TMEM131: variants seen among roughly 807,000 people sequenced by gnomAD.
The protein encoded by TMEM131 is transmembrane protein 131, also known as 2610524E03Rik.
In TMEM131, 66 loss-of-function variants were observed where a neutral mutation model predicts 211.6. The ratio of observed to expected loss-of-function variants is 0.31; its 90% CI spans 0.26 to 0.38. The LOEUF is 0.38. Ranked by LOEUF, TMEM131 falls within the 10% of genes least tolerant of loss-of-function variation. The pLI is 1.00. For missense variants in TMEM131, 2,036 were observed against 2,299.3 expected (o/e 0.89, Z 2.34); for synonymous variants, 844 against 841.3 (o/e 1.00, Z -0.06).
At position 97,756,965 on chromosome 2, in the gene TMEM131, T is replaced by C; in HGVS notation, c.*134A>G. 9.4e-7 allele frequency: 1 copy of C among 1,059,572 alleles called. No homozygotes were observed. The highest frequency in any genetic ancestry group is 1.8e-5 in the South Asian group (1 of 55,716). 65.6% of individuals were successfully genotyped at this position (1,059,572 alleles called of 1,614,324 possible). On this transcript the variant is annotated 3_prime_UTR_variant, in exon 41 of 41. Transcript: ENST00000186436. ...AGAAGCGAGTGGTCTGAGCCTGCCC[T>C]GCTTGGGTCTGTTTTGCAAAGAAGA...
intron 8 of TMEM131, among the ~76,000 whole-genome samples, chr2:97,836,319 G>A (rs1267769154): frequency 1.3e-5 from 2 of 152,186 alleles, no homozygotes; most frequent in Non-Finnish European, 2.9e-5. Context: ...TGTAACAGCA[G>A]TTAATAAAGA....
At chr2:97,933,261 G>A (rs542963802) in intron 1 of TMEM131, among the ~76,000 whole-genome samples, 4 of 152,116 alleles carry the variant, frequency 2.6e-5, no homozygotes, top group Non-Finnish European at 5.9e-5. Context: ...GATCAACATG[G>A]CAGTTACATA....
In TMEM131 at chr2:97,813,998, G is replaced by T. The variant is rs190189893; in HGVS notation, c.1590C>A (p.Pro530=). 5.0e-6 allele frequency: 8 copies of T among 1,598,104 alleles called. No individual in the cohort carries two copies. The East Asian group carries it at 1.8e-4, about 36-fold the overall frequency. The change falls in exon 15 of 41, where the codon CCC becomes CCA. Residue 530 remains proline (P), a synonymous_variant. Transcript: ENST00000186436. ...LITNASKFHL[P]VRVYTGFLDY... Reference sequence around the variant, plus strand: ...CTAAAAAGCCTGTGTATACCCGCACGGGTAAATGAAATTTAGAAGCATTGG... The same window carrying T: ...CTAAAAAGCCTGTGTATACCCGCACTGGTAAATGAAATTTAGAAGCATTGG...
chr2:97,950,139 C>T (rs1056691975), intron 1 of TMEM131, among the ~76,000 whole-genome samples: 14 of 152,130 alleles, frequency 9.2e-5, no homozygotes, highest in Non-Finnish European at 1.9e-4. Context: ...AATAAAAATA[C>T]ATCTATACAT....
At chr2:97,767,203 T>A (rs1051282744) in intron 33 of TMEM131, among the ~76,000 whole-genome samples, 1 of 152,236 alleles carries the variant, frequency 6.6e-6, no homozygotes, top group African/African-American at 2.4e-5. Flanking sequence ...AAATTAAATA[T>A]ATTTTTTATT....
chr2:97,930,772 G>T (rs1677185781), intron 1 of TMEM131, among the ~76,000 whole-genome samples: 1 of 151,766 alleles, frequency 6.6e-6, no homozygotes, highest in Non-Finnish European at 1.5e-5. Flanking sequence ...ACCAGAACTA[G>T]TAACAGCTTC....
At position 97,792,651 on chromosome 2, in the gene TMEM131, A is replaced by G. The variant is rs1331897733; in HGVS notation, c.3879T>C (p.His1293=). 1 of 1,613,936 alleles carries G rather than the reference A, an allele frequency of 6.2e-7. No individual in the cohort carries two copies. Among genetic ancestry groups the G allele is most frequent in the Admixed American group, 1.7e-5 (1 of 60,024 alleles). ...AKQSQHGSQH[H]AHSPLEQHPQ... is the part of the protein sequence containing the mutation. ...GGTGCTGCTCCAGCGGGCTGTGGGC[A>G]TGGTGCTGGCTGCCGTGCTGGCTCT... The change falls in exon 31 of 41, where the codon CAT becomes CAC. Residue 1293 remains histidine, a synonymous_variant. Coordinates refer to ENST00000186436, the MANE Select transcript of TMEM131 (RefSeq NM_015348.2).
chr2:97,902,303 C>T (rs1488395126), intron 3 of TMEM131, among the ~76,000 whole-genome samples: 1 of 152,152 alleles, frequency 6.6e-6, no homozygotes, highest in Non-Finnish European at 1.5e-5. Context: ...AAACACCGTA[C>T]TCTTTTTTTA....
At chr2:97,767,810 C>T (rs749298089) in intron 33 of TMEM131, among the ~76,000 whole-genome samples, 15 of 152,208 alleles carry the variant, frequency 9.9e-5, no homozygotes, top group Non-Finnish European at 1.8e-4. Flanking sequence ...AAGTTCTTCA[C>T]GCACCATGTT....
intron 1 of TMEM131, among the ~76,000 whole-genome samples, chr2:97,965,234 ACTG>A (rs1282444578): frequency 6.6e-6 from 1 of 152,158 alleles, no homozygotes; most frequent in Non-Finnish European, 1.5e-5. Flanking sequence ...AGAAACCGCC[ACTG>A]CTATATATCT....
chr2:97,930,196 T>C (rs1291886266), intron 1 of TMEM131, among the ~76,000 whole-genome samples: 2 of 151,776 alleles, frequency 1.3e-5, no homozygotes, highest in African/African-American at 4.9e-5. Context: ...AGGCCTCTAA[T>C]TAGAAGCTTT....
At chr2:97,947,228 C>T (rs1331758174) in intron 1 of TMEM131, among the ~76,000 whole-genome samples, 1 of 151,750 alleles carries the variant, frequency 6.6e-6, no homozygotes, top group African/African-American at 2.4e-5. Context: ...GGGCAATCTT[C>T]GTGCCAATAA....
At chr2:97,870,161 A>G (rs1169089101) in intron 4 of TMEM131, among the ~76,000 whole-genome samples, 1 of 152,182 alleles carries the variant, frequency 6.6e-6, no homozygotes, top group Non-Finnish European at 1.5e-5. Context: ...AAAAAAATCT[A>G]TCTCAAAGGT....
At chr2:97,820,529 T>G (rs142154946) in intron 11 of TMEM131, among the ~76,000 whole-genome samples, 1 of 152,210 alleles carries the variant, frequency 6.6e-6, no homozygotes, top group South Asian at 2.1e-4. Flanking sequence ...TTGAGTCAGC[T>G]GCCCATCTAC....
intron 4 of TMEM131, among the ~76,000 whole-genome samples, chr2:97,878,878 C>CA (rs1179611447): frequency 1.3e-5 from 2 of 151,842 alleles, no homozygotes; most frequent in Non-Finnish European, 2.9e-5. Flanking sequence ...AGCAAACAAA[C>CA]AAAAAAACCA....
At chr2:97,931,341 A>C (rs949270745) in intron 1 of TMEM131, among the ~76,000 whole-genome samples, 1 of 149,090 alleles carries the variant, frequency 6.7e-6, no homozygotes, top group East Asian at 1.9e-4. Flanking sequence ...TCAATGTGTC[A>C]GTTGTTTCAA....
At chr2:97,825,876 A>G (rs1331886555) in intron 11 of TMEM131, among the ~76,000 whole-genome samples, 1 of 152,230 alleles carries the variant, frequency 6.6e-6, no homozygotes, top group Non-Finnish European at 1.5e-5. Context: ...TGGACTACTC[A>G]TGATGTAAAT....
At chr2:97,820,168 T>G (rs962572288) in intron 11 of TMEM131, among the ~76,000 whole-genome samples, 2 of 152,212 alleles carry the variant, frequency 1.3e-5, no homozygotes, top group Admixed American at 1.3e-4. Context: ...TTTAACTTCC[T>G]CCGTTTTTCT....
chr2:97,894,688 G>A (rs542797038), intron 3 of TMEM131, among the ~76,000 whole-genome samples: 3 of 151,354 alleles, frequency 2.0e-5, no homozygotes, highest in Non-Finnish European at 3.0e-5. Flanking sequence ...TGTTATTAGC[G>A]TATAGGAACG....
Sources: allele counts gnomAD v4.1 joint callset (sites outside exome capture counted in the v4.1 genomes callset), GRCh38; gene constraint gnomAD v4.1.1; transcripts MANE v1.5; gene names NCBI Gene and HGNC (gene_info 2026-07-23, HGNC 2026-07-21).